CHCHD6: variants seen among roughly 807,000 people sequenced by gnomAD.
CHCHD6 encodes the protein coiled-coil-helix-coiled-coil-helix domain containing 6, also known as MICOS complex subunit MIC25.
CHCHD6 carries 28 observed loss-of-function variants against 32.3 expected under a neutral mutation model. That is an observed-to-expected ratio of 0.87 (90% confidence interval 0.64 to 1.19). The LOEUF is 1.19. CHCHD6 is among the 50% of genes most tolerant of loss of function. The probability of loss-of-function intolerance (pLI) is 0.00; values close to 1 mark genes in which losing one functional copy is unlikely to be tolerated. For synonymous variants in CHCHD6, 122 were observed against 117.5 expected (o/e 1.04, Z -0.25); for missense variants, 333 against 307.0 (o/e 1.08, Z -0.63).
At chr3:126,863,311 T>C (rs1293444711) in intron 5 of CHCHD6, among the ~76,000 whole-genome samples, 2 of 65,326 alleles carry the variant, frequency 3.1e-5, no homozygotes, top group African/African-American at 1.2e-4. Context: ...CTCCTCCTCC[T>C]CCATCACCAC....
intron 4 of CHCHD6, among the ~76,000 whole-genome samples, chr3:126,790,756 T>G (rs1000545150): frequency 6.6e-6 from 1 of 152,110 alleles, no homozygotes; most frequent in African/African-American, 2.4e-5. Context: ...AACTTCTTTG[T>G]GATGGGTTCA....
intron 5 of CHCHD6, among the ~76,000 whole-genome samples, chr3:126,892,148 T>C (rs1285087175): frequency 6.6e-6 from 1 of 152,120 alleles, no homozygotes; most frequent in Non-Finnish European, 1.5e-5. Flanking sequence ...CTACTACAGC[T>C]CGTCCTCCTC....
chr3:126,924,315 A>T (rs2107595458), intron 6 of CHCHD6, among the ~76,000 whole-genome samples: 1 of 152,358 alleles, frequency 6.6e-6, no homozygotes, highest in African/African-American at 2.4e-5. Flanking sequence ...GATAATAGTT[A>T]TCTCTGGTTA....
At chr3:126,835,236 G>T (rs988209724) in intron 4 of CHCHD6, among the ~76,000 whole-genome samples, 3 of 152,172 alleles carry the variant, frequency 2.0e-5, no homozygotes, top group Non-Finnish European at 4.4e-5. Flanking sequence ...TAGCCCAGGT[G>T]TAGGTGCCAA....
intron 4 of CHCHD6, among the ~76,000 whole-genome samples, chr3:126,816,300 G>A (rs573916186): frequency 5.9e-5 from 9 of 152,320 alleles, no homozygotes; most frequent in South Asian, 2.1e-4. Flanking sequence ...GCGCTTTCTC[G>A]TTGGCGTTGT....
At chr3:126,770,016 TG>T (rs1937515802) in intron 4 of CHCHD6, among the ~76,000 whole-genome samples, 1 of 152,152 alleles carries the variant, frequency 6.6e-6, no homozygotes, top group Non-Finnish European at 1.5e-5. Flanking sequence ...CTTTGAGCCA[TG>T]TTTTGTTTTG....
intron 4 of CHCHD6, among the ~76,000 whole-genome samples, chr3:126,749,775 C>T (rs1298235163): frequency 6.6e-6 from 1 of 152,198 alleles, no homozygotes; most frequent in Non-Finnish European, 1.5e-5. Context: ...GAACTGGGCT[C>T]CATCATTTCT....
chr3:126,787,921 C>G (rs1390512594), intron 4 of CHCHD6, among the ~76,000 whole-genome samples: 3 of 152,174 alleles, frequency 2.0e-5, no homozygotes, highest in African/African-American at 7.2e-5. Context: ...AAAGGGAATG[C>G]TTCCAGTTTT....
At chr3:126,726,859 G>A (rs1935557907) in intron 1 of CHCHD6, among the ~76,000 whole-genome samples, 1 of 152,150 alleles carries the variant, frequency 6.6e-6, no homozygotes, top group Non-Finnish European at 1.5e-5. Context: ...AAGCCAGCAG[G>A]GGACATATAT....
At chr3:126,806,365 A>G (rs930183801) in intron 4 of CHCHD6, among the ~76,000 whole-genome samples, 13 of 152,214 alleles carry the variant, frequency 8.5e-5, no homozygotes, top group African/African-American at 2.9e-4. Context: ...GAAAAAAACA[A>G]CCCCATCAAA....
At chr3:126,919,359 G>A (rs1231285887) in intron 6 of CHCHD6, among the ~76,000 whole-genome samples, 44 of 141,714 alleles carry the variant, frequency 3.1e-4, no homozygotes, top group African/African-American at 1.1e-3. Flanking sequence ...TGTCACCCAG[G>A]CTGCAGTACA....
At chr3:126,768,006 A>G (rs986311415) in intron 4 of CHCHD6, among the ~76,000 whole-genome samples, 12 of 152,126 alleles carry the variant, frequency 7.9e-5, no homozygotes, top group African/African-American at 2.9e-4. Flanking sequence ...ATGGATGAGT[A>G]TTTAGGTTGA....
chr3:126,723,891 C>T (rs115316240), intron 1 of CHCHD6, among the ~76,000 whole-genome samples: 692 of 152,232 alleles, frequency 4.5e-3, no homozygotes, highest in Non-Finnish European at 7.9e-3. Flanking sequence ...TTTTATGATG[C>T]CTTGCACATA....
chr3:126,899,203 T>C (rs957439250), intron 5 of CHCHD6, among the ~76,000 whole-genome samples: 3 of 152,252 alleles, frequency 2.0e-5, no homozygotes, highest in African/African-American at 7.2e-5. Flanking sequence ...CTAGGTTGTG[T>C]GATAGGTTTA....
At chr3:126,730,164 C>T (rs11718954) in intron 2 of CHCHD6, among the ~76,000 whole-genome samples, 1 of 152,166 alleles carries the variant, frequency 6.6e-6, no homozygotes, top group African/African-American at 2.4e-5. Context: ...CTTCCCTTCC[C>T]TATGCCAAAA....
At chr3:126,845,602 A>T (rs912529115) in intron 4 of CHCHD6, among the ~76,000 whole-genome samples, 2 of 151,978 alleles carry the variant, frequency 1.3e-5, no homozygotes, top group East Asian at 3.9e-4. Context: ...GATATTTAAT[A>T]TTGTTCTGTT....
chr3:126,936,216 G>T (rs535151917), intron 6 of CHCHD6, among the ~76,000 whole-genome samples: 1 of 152,292 alleles, frequency 6.6e-6, no homozygotes, highest in East Asian at 1.9e-4. Flanking sequence ...TGGGACAAGT[G>T]GCTCAACTGT....
intron 1 of CHCHD6, among the ~76,000 whole-genome samples, chr3:126,717,334 T>G (rs1935068553): frequency 6.6e-6 from 1 of 152,194 alleles, no homozygotes; most frequent in African/African-American, 2.4e-5. Flanking sequence ...GACCTTATAT[T>G]GGGTCAGCTG....
At chr3:126,766,746 A>G (rs1937384716) in intron 4 of CHCHD6, 2 of 1,150,206 alleles carry the variant, frequency 1.7e-6, no homozygotes, top group African/African-American at 3.0e-5. Context: ...GGTATGTGGT[A>G]GATTCACGGG....
Sources: allele counts gnomAD v4.1 joint callset (sites outside exome capture counted in the v4.1 genomes callset), GRCh38; gene constraint gnomAD v4.1.1; transcripts MANE v1.5; gene names NCBI Gene and HGNC (gene_info 2026-07-23, HGNC 2026-07-21).